PAK5: variants seen among roughly 807,000 people sequenced by gnomAD.
PAK5 encodes the protein serine/threonine-protein kinase PAK 5.
A neutral mutation model predicts 65.9 loss-of-function variants in PAK5; 16 were observed. That is an observed-to-expected ratio of 0.24 (90% confidence interval 0.16 to 0.37). PAK5 has a LOEUF of 0.37. PAK5 is among the 10% of genes least tolerant of loss of function. The probability of loss-of-function intolerance (pLI) is 1.00; values close to 1 mark genes in which losing one functional copy is unlikely to be tolerated. For synonymous variants in PAK5, 371 were observed against 354.9 expected (o/e 1.05, Z -0.51); for missense variants, 785 against 903.9 (o/e 0.87, Z 1.69).
chr20:9,582,071 A>C (rs536073554), intron 3 of PAK5, among the ~76,000 whole-genome samples: 34 of 152,264 alleles, frequency 2.2e-4, no homozygotes, highest in Non-Finnish European at 8.8e-5. Flanking sequence ...TCTTTCAAAT[A>C]AAATTTTTAT....
intron 7 of PAK5, among the ~76,000 whole-genome samples, chr20:9,553,933 T>C (rs1281485391): frequency 3.3e-5 from 5 of 152,192 alleles, no homozygotes; most frequent in African/African-American, 1.2e-4. Context: ...GCCAAAGTAT[T>C]TTCTTGAGTG....
intron 3 of PAK5, among the ~76,000 whole-genome samples, chr20:9,612,622 G>A (rs907900880): frequency 5.3e-5 from 8 of 152,010 alleles, no homozygotes; most frequent in African/African-American, 9.7e-5. Flanking sequence ...TAAACCGTTC[G>A]TGAGAACTCC....
intron 7 of PAK5, among the ~76,000 whole-genome samples, chr20:9,545,032 T>C (rs2045323024): frequency 6.6e-6 from 1 of 152,194 alleles, no homozygotes; most frequent in Non-Finnish European, 1.5e-5. Flanking sequence ...AATGTCACTT[T>C]TAGTACTGGA....
chr20:9,634,696 C>T (rs1447975846), intron 3 of PAK5, among the ~76,000 whole-genome samples: 1 of 152,048 alleles, frequency 6.6e-6, no homozygotes, highest in Non-Finnish European at 1.5e-5. Flanking sequence ...ATAAATCTAG[C>T]TTTGGTTTTG....
chr20:9,707,800 A>T (rs1293860260), intron 2 of PAK5, among the ~76,000 whole-genome samples: 1 of 152,114 alleles, frequency 6.6e-6, no homozygotes, highest in African/African-American at 2.4e-5. Flanking sequence ...CAGACATGGG[A>T]GTGAAGCATC....
intron 2 of PAK5, among the ~76,000 whole-genome samples, chr20:9,652,951 G>GA (rs1569021749): frequency 1.3e-5 from 2 of 152,096 alleles, no homozygotes; most frequent in Non-Finnish European, 2.9e-5. Flanking sequence ...CCCTGATTCT[G>GA]AAATCTGTGC....
intron 1 of PAK5, among the ~76,000 whole-genome samples, chr20:9,799,362 T>C (rs374844661): frequency 1.5e-4 from 23 of 152,158 alleles, no homozygotes; most frequent in Admixed American, 9.2e-4. Context: ...TTATCTTTTA[T>C]TGAACTTATG....
intron 1 of PAK5, among the ~76,000 whole-genome samples, chr20:9,799,103 T>C (rs1368450260): frequency 6.6e-6 from 1 of 152,186 alleles, no homozygotes; most frequent in Non-Finnish European, 1.5e-5. Context: ...AAGTCATCCT[T>C]TATAGATATC....
chr20:9,682,644 G>A (rs1489812961), intron 2 of PAK5, among the ~76,000 whole-genome samples: 1 of 152,170 alleles, frequency 6.6e-6, no homozygotes, highest in African/African-American at 2.4e-5. Flanking sequence ...AAGGTCCTGG[G>A]GAAAGGGAAA....
At chr20:9,716,292 T>A (rs2048146356) in intron 1 of PAK5, among the ~76,000 whole-genome samples, 2 of 152,296 alleles carry the variant, frequency 1.3e-5, no homozygotes, top group South Asian at 4.1e-4. Context: ...TTCAATTAGT[T>A]CAAAATAGGC....
chr20:9,779,437 T>C (rs928955562), intron 1 of PAK5, among the ~76,000 whole-genome samples: 3 of 151,064 alleles, frequency 2.0e-5, no homozygotes, highest in African/African-American at 7.3e-5. Context: ...GGCTAGACTT[T>C]TTCAGTATCG....
At chr20:9,773,442 A>G (rs1600356867) in intron 1 of PAK5, among the ~76,000 whole-genome samples, 1 of 151,864 alleles carries the variant, frequency 6.6e-6, no homozygotes, top group South Asian at 2.1e-4. Context: ...CCTGTGTCCA[A>G]GTGTTCTCAT....
intron 2 of PAK5, among the ~76,000 whole-genome samples, chr20:9,697,254 C>T (rs752231859): frequency 5.3e-5 from 8 of 151,964 alleles, no homozygotes; most frequent in Non-Finnish European, 4.4e-5. Flanking sequence ...AGAACACTGC[C>T]CATCATGTAA....
At chr20:9,711,587 G>A (rs571915927) in intron 1 of PAK5, among the ~76,000 whole-genome samples, 152 bp from the exon 2 acceptor site, 1 of 152,080 alleles carries the variant, frequency 6.6e-6, no homozygotes, top group Admixed American at 6.6e-5. Context: ...TGCAGCTACG[G>A]ATCTGTATAT....
chr20:9,728,143 A>G (rs895385703), intron 1 of PAK5, among the ~76,000 whole-genome samples: 1 of 152,170 alleles, frequency 6.6e-6, no homozygotes. Flanking sequence ...ATCTACGGCC[A>G]TAAAAGAGGC....
At chr20:9,794,828 C>T (rs900553865) in intron 1 of PAK5, among the ~76,000 whole-genome samples, 2 of 152,042 alleles carry the variant, frequency 1.3e-5, no homozygotes, top group African/African-American at 4.8e-5. Context: ...CTCCAAGTAT[C>T]ATACATTCGA....
chr20:9,750,762 T>C (rs900188428), intron 1 of PAK5, among the ~76,000 whole-genome samples: 31 of 152,144 alleles, frequency 2.0e-4, no homozygotes, highest in Non-Finnish European at 3.8e-4. Flanking sequence ...ATATGTGCTA[T>C]TAAGGGCCAT....
chr20:9,778,840 G>A (rs2048912673), intron 1 of PAK5, among the ~76,000 whole-genome samples: 1 of 152,130 alleles, frequency 6.6e-6, no homozygotes, highest in African/African-American at 2.4e-5. Flanking sequence ...TGAACTCTCA[G>A]GAAACCGCAA....
At chr20:9,550,863 C>A (rs1336534952) in intron 7 of PAK5, among the ~76,000 whole-genome samples, 1 of 151,604 alleles carries the variant, frequency 6.6e-6, no homozygotes, top group African/African-American at 2.4e-5. Flanking sequence ...ATTTAAGAAA[C>A]CTGAATGGTT....
Sources: allele counts gnomAD v4.1 joint callset (sites outside exome capture counted in the v4.1 genomes callset), GRCh38; gene constraint gnomAD v4.1.1; transcripts MANE v1.5; gene names NCBI Gene and HGNC (gene_info 2026-07-23, HGNC 2026-07-21).